MCTP1: variants seen among roughly 807,000 people sequenced by gnomAD.
MCTP1 encodes multiple C2 and transmembrane domain containing 1.
Under a neutral mutation model 120.6 loss-of-function variants are expected in MCTP1, and 69 were observed. The observed-to-expected ratio is 0.57, with a 90% confidence interval of 0.47 to 0.70. The LOEUF (loss-of-function observed/expected upper bound fraction) is 0.70, where lower values mean the gene tolerates loss of function less well. Among genes scored for constraint, MCTP1 ranks in the 30% least tolerant of loss-of-function variants. The pLI is 0.00. For missense variants in MCTP1, 1,203 were observed against 1,248.8 expected (o/e 0.96, Z 0.55); for synonymous variants, 529 against 493.1 (o/e 1.07, Z -0.96).
At chr5:94,713,674 A>C (rs1424536272) in intron 20 of MCTP1, among the ~76,000 whole-genome samples, 1 of 152,150 alleles carries the variant, frequency 6.6e-6, no homozygotes, top group Non-Finnish European at 1.5e-5. Context: ...TAGTCTTCTG[A>C]AATCCAAGAC....
chr5:95,016,411 T>C (rs528004503), intron 2 of MCTP1, among the ~76,000 whole-genome samples: 53 of 152,280 alleles, frequency 3.5e-4, no homozygotes, highest in Non-Finnish European at 6.8e-4. Flanking sequence ...TATTAAATTA[T>C]TTTTCTCTAT....
intron 7 of MCTP1, among the ~76,000 whole-genome samples, chr5:94,918,457 A>C (rs1810703999): frequency 6.6e-6 from 1 of 152,230 alleles, no homozygotes. Flanking sequence ...TGATTAAAGA[A>C]GTATCTCTAA....
intron 10 of MCTP1, among the ~76,000 whole-genome samples, chr5:94,898,596 G>T (rs1804704573): frequency 6.6e-6 from 1 of 152,174 alleles, no homozygotes. Flanking sequence ...ACAAAGGGAG[G>T]TTTCACTACT....
intron 19 of MCTP1, among the ~76,000 whole-genome samples, chr5:94,757,331 C>G (rs941029927): frequency 6.6e-6 from 1 of 152,040 alleles, no homozygotes; most frequent in Non-Finnish European, 1.5e-5. Context: ...ATATAGATAC[C>G]AAGGCAGACC....
intron 19 of MCTP1, among the ~76,000 whole-genome samples, chr5:94,772,177 GGGGTGCAGATATAA>G (rs1774235847): frequency 6.6e-6 from 1 of 152,102 alleles, no homozygotes; most frequent in African/African-American, 2.4e-5. Context: ...ATGCTTTCTT[GGGGTGCAGATATAA>G]GGGCTTGTAC....
intron 7 of MCTP1, among the ~76,000 whole-genome samples, chr5:94,923,346 T>G (rs563920203): frequency 6.6e-6 from 1 of 152,298 alleles, no homozygotes; most frequent in Non-Finnish European, 1.5e-5. Context: ...CTGTGCATAA[T>G]GCAGAATTAG....
At chr5:94,821,096 G>T (rs1244293473) in intron 17 of MCTP1, among the ~76,000 whole-genome samples, 1 of 152,138 alleles carries the variant, frequency 6.6e-6, no homozygotes, top group African/African-American at 2.4e-5. Flanking sequence ...AAATTTCATC[G>T]TCTGTATATA....
At chr5:94,818,548 C>T (rs1784953572) in intron 17 of MCTP1, among the ~76,000 whole-genome samples, 1 of 152,106 alleles carries the variant, frequency 6.6e-6, no homozygotes, top group Non-Finnish European at 1.5e-5. Flanking sequence ...TAGAGGCTTC[C>T]TAGAGAGTAG....
At chr5:95,081,638 C>T (rs1754956193) in intron 1 of MCTP1, 3 of 1,328,204 alleles carry the variant, frequency 2.3e-6, no homozygotes, top group South Asian at 2.3e-5. Context: ...ACAGCAGCGA[C>T]TTGGAATGAA....
At position 94,940,129 on chromosome 5, in the gene MCTP1, C is replaced by CA; in HGVS notation, c.1127dup (p.Leu376PhefsTer9). ...CTTTAGGGGTAAGGATGACTGAGAG[C>CA]AAAATGATTCCAAGATCATGGTCAG... On this transcript the variant is annotated frameshift_variant, in exon 5 of 23. Coordinates refer to ENST00000515393, the MANE Select transcript of MCTP1 (RefSeq NM_024717.7). LOFTEE classifies it high-confidence loss of function. 6.2e-7 allele frequency: 1 copy of CA among 1,609,874 alleles called. No homozygotes were observed. The highest frequency in any genetic ancestry group is 1.1e-5 in the South Asian group (1 of 90,648).
At chr5:94,961,145 C>A (rs1030992424) in intron 2 of MCTP1, among the ~76,000 whole-genome samples, 1 of 151,836 alleles carries the variant, frequency 6.6e-6, no homozygotes, top group Non-Finnish European at 1.5e-5. Context: ...AGCTGGAAAC[C>A]ATCATTCTCA....
At chr5:94,727,881 A>ATT (rs1762423991) in intron 19 of MCTP1, among the ~76,000 whole-genome samples, 1 of 152,200 alleles carries the variant, frequency 6.6e-6, no homozygotes. Flanking sequence ...TCCTTAAGAT[A>ATT]ATAGAGTTCT....
At chr5:95,050,483 C>T (rs1204746324) in intron 1 of MCTP1, among the ~76,000 whole-genome samples, 1 of 152,150 alleles carries the variant, frequency 6.6e-6, no homozygotes, top group Admixed American at 6.6e-5. Context: ...CGGACATCAC[C>T]AGTCACATTC....
intron 1 of MCTP1, among the ~76,000 whole-genome samples, chr5:95,230,712 A>G (rs903105340): frequency 2.0e-5 from 3 of 152,224 alleles, no homozygotes; most frequent in Non-Finnish European, 4.4e-5. Flanking sequence ...ATAATGGAAC[A>G]CTAGGCATAT....
chr5:95,273,681 TAG>T (rs1490924938), intron 1 of MCTP1, among the ~76,000 whole-genome samples: 4 of 152,292 alleles, frequency 2.6e-5, no homozygotes, highest in African/African-American at 9.6e-5. Flanking sequence ...ACTTCAAGAA[TAG>T]GAGCTATTAG....
rs551002579 is a variant in MCTP1, at chr5:94,754,742, T to TA, written c.2610+24367dup. Among the ~76,000 whole-genome samples, 8 of 152,272 alleles carry TA rather than the reference T, an allele frequency of 5.3e-5. No individual in the cohort carries two copies. The South Asian group carries it at 1.7e-3, about 32-fold the overall frequency. On this transcript the variant is annotated intron_variant, in intron 19 of 22. Transcript: ENST00000515393. ...TATAAACAAACAAGACAGACAGATG[T>TA]AAAGGTCCACAGTAACACAATTACC...
At chr5:95,092,430 T>G (rs1755918675) in intron 1 of MCTP1, among the ~76,000 whole-genome samples, 1 of 152,216 alleles carries the variant, frequency 6.6e-6, no homozygotes, top group Non-Finnish European at 1.5e-5. Context: ...TCTAGTATTC[T>G]GTAGTACTAC....
chr5:94,923,986 G>C lies in MCTP1; in HGVS notation c.1248C>G (p.Phe416Leu). ...CCCTCCAAAAGAGAGACTTCACAGA[G>C]AAATAAGATCCAACCACTTCATTTT... ...LSENEVVGSY[F>L]SVKSLFWRTC... Residue 416 changes from phenylalanine (F) to leucine (L), a missense_variant, in exon 7 of 23, where the codon TTC (phenylalanine) becomes TTG (leucine). This residue lies in a region of MCTP1 where 740 missense variants were observed against 871.1 expected (regional missense o/e 0.85). Transcript: ENST00000515393. 6.6e-7 allele frequency: 1 copy of C among 1,522,680 alleles called. No individual in the cohort carries two copies. The highest frequency in any genetic ancestry group is 8.8e-7 in the Non-Finnish European group (1 of 1,140,550). The allele number at this position is 1,522,680 out of a possible 1,614,324, so 94.3% of individuals were successfully genotyped here. A position where few individuals can be genotyped will look rare whatever the true frequency, so the allele number is the denominator to read the frequency against.
intron 17 of MCTP1, among the ~76,000 whole-genome samples, chr5:94,851,682 C>A (rs1793748928): frequency 1.3e-5 from 2 of 151,802 alleles, no homozygotes; most frequent in Admixed American, 1.3e-4. Context: ...AGATGAAATT[C>A]AGTTAAAGAG....
Sources: allele counts gnomAD v4.1 joint callset (sites outside exome capture counted in the v4.1 genomes callset), GRCh38; gene constraint gnomAD v4.1.1; regional missense constraint gnomAD v4.1.1; transcripts MANE v1.5; gene names NCBI Gene and HGNC (gene_info 2026-07-23, HGNC 2026-07-21).